ERBB4: variants seen among roughly 807,000 people sequenced by gnomAD.
The protein encoded by ERBB4 is erb-b2 receptor tyrosine kinase 4, also known as receptor tyrosine-protein kinase erbB-4.
Under a neutral mutation model 158.0 loss-of-function variants are expected in ERBB4, and 42 were observed. The observed-to-expected ratio is 0.27, with a 90% CI of 0.21 to 0.34. ERBB4 has a LOEUF of 0.34. Among genes scored for constraint, ERBB4 ranks in the 10% least tolerant of loss-of-function variants. The pLI is 1.00. For missense variants in ERBB4, 1,333 were observed against 1,624.1 expected, an observed-to-expected ratio of 0.82 and a Z score of 3.08; for synonymous variants, 583 against 558.7, an observed-to-expected ratio of 1.04 and a Z score of -0.61.
chr2:212,384,574 C>T (rs548550439), intron 1 of ERBB4, among the ~76,000 whole-genome samples: 3 of 151,704 alleles, frequency 2.0e-5, no homozygotes, highest in African/African-American at 4.8e-5. Flanking sequence ...ATTTGATTTC[C>T]TCTTATCAGC....
At position 211,841,976 on chromosome 2, in the gene ERBB4, C is replaced by G. The variant is rs139013130; in HGVS notation, c.422-53817G>C. On this transcript the variant is annotated intron_variant, in intron 3 of 27. Coordinates refer to ENST00000342788, the MANE Select transcript of ERBB4 (RefSeq NM_005235.3). ...AATTCATGTTTCAATAATTTTTTTT[C>G]AAATATGTCCCAGAATTACCACCCT... is the stretch of plus-strand genomic sequence containing the variant. Among the ~76,000 whole-genome samples, 945 of 151,884 alleles carry G rather than the reference C, an allele frequency of 6.2e-3. 11 individuals carry two copies. The highest frequency in any genetic ancestry group is 0.021 in the African/African-American group (889 of 41,464).
At chr2:211,394,958 A>G (rs2062878609) in intron 25 of ERBB4, among the ~76,000 whole-genome samples, 1 of 152,132 alleles carries the variant, frequency 6.6e-6, no homozygotes, top group Non-Finnish European at 1.5e-5. Flanking sequence ...TTAATCCTAA[A>G]AAGAAGAATA....
intron 19 of ERBB4, among the ~76,000 whole-genome samples, chr2:211,602,340 A>G (rs1463484207): frequency 6.6e-6 from 1 of 151,948 alleles, no homozygotes; most frequent in Non-Finnish European, 1.5e-5. Context: ...CCCTCACACC[A>G]TCTGCACTCA....
At chr2:212,398,549 G>A (rs1406290349) in intron 1 of ERBB4, among the ~76,000 whole-genome samples, 2 of 152,102 alleles carry the variant, frequency 1.3e-5, no homozygotes, top group African/African-American at 4.8e-5. Context: ...GTTAAGAATG[G>A]CAAGACTGCA....
chr2:212,356,764 T>C (rs1186734779), intron 1 of ERBB4, among the ~76,000 whole-genome samples: 1 of 151,880 alleles, frequency 6.6e-6, no homozygotes, highest in Non-Finnish European at 1.5e-5. Context: ...CCAACTTTTA[T>C]CCTAATAGTA....
intron 5 of ERBB4, among the ~76,000 whole-genome samples, chr2:211,740,319 A>C (rs1456866049): frequency 6.6e-6 from 1 of 152,142 alleles, no homozygotes; most frequent in Non-Finnish European, 1.5e-5. Flanking sequence ...ACTCATCATA[A>C]ATTAATAGAG....
intron 3 of ERBB4, among the ~76,000 whole-genome samples, chr2:211,806,530 T>C (rs1056209172): frequency 2.6e-5 from 4 of 151,848 alleles, no homozygotes; most frequent in Non-Finnish European, 4.4e-5. Flanking sequence ...TAGTGAAAAA[T>C]AGGTGATGCA....
intron 1 of ERBB4, among the ~76,000 whole-genome samples, chr2:212,149,755 T>G (rs151209224): frequency 6.6e-5 from 10 of 152,324 alleles, no homozygotes; most frequent in African/African-American, 2.2e-4. Flanking sequence ...CACTAAGCAT[T>G]GCTTTCTGAA....
intron 20 of ERBB4, among the ~76,000 whole-genome samples, chr2:211,506,603 T>C (rs2065757283): frequency 1.3e-5 from 2 of 152,144 alleles, no homozygotes; most frequent in Middle Eastern, 6.8e-3. Flanking sequence ...ATACCAAGAA[T>C]AACTCAATAT....
chr2:212,534,158 C>T (rs1047728392), intron 1 of ERBB4, among the ~76,000 whole-genome samples: 13 of 152,324 alleles, frequency 8.5e-5, no homozygotes, highest in African/African-American at 3.1e-4. Flanking sequence ...TTCCTAATAA[C>T]CAGCTTGATA....
At chr2:211,486,916 G>A (rs533018482) in intron 20 of ERBB4, among the ~76,000 whole-genome samples, 21 of 152,112 alleles carry the variant, frequency 1.4e-4, no homozygotes, top group African/African-American at 5.1e-4. Context: ...GAGTGTCTTT[G>A]TATAGAATAT....
chr2:211,392,585 CACACACACACACACA>C (rs2062822921), intron 25 of ERBB4, among the ~76,000 whole-genome samples: 2 of 151,140 alleles, frequency 1.3e-5, no homozygotes, highest in African/African-American at 4.9e-5. Flanking sequence ...CACACACACA[CACACACACACACACA>C]CCCCAATAAT....
At chr2:212,285,685 G>C (rs995790822) in intron 1 of ERBB4, among the ~76,000 whole-genome samples, 1 of 151,982 alleles carries the variant, frequency 6.6e-6, no homozygotes, top group South Asian at 2.1e-4. Context: ...TTAAAAATGA[G>C]GACTTACAAT....
intron 1 of ERBB4, among the ~76,000 whole-genome samples, chr2:212,272,936 A>G (rs945041238): frequency 6.6e-6 from 1 of 151,634 alleles, no homozygotes; most frequent in African/African-American, 2.4e-5. Context: ...ATTATTATAT[A>G]AATATCCCTA....
chr2:212,522,606 G>A (rs1692234822), intron 1 of ERBB4, among the ~76,000 whole-genome samples: 1 of 151,864 alleles, frequency 6.6e-6, no homozygotes, highest in South Asian at 2.1e-4. Flanking sequence ...AGAAAAAGAT[G>A]AAGAGGACCA....
At chr2:212,128,382 G>A (rs969913547) in intron 1 of ERBB4, among the ~76,000 whole-genome samples, 3 of 152,090 alleles carry the variant, frequency 2.0e-5, no homozygotes, top group Non-Finnish European at 4.4e-5. Flanking sequence ...TTTCAAACAC[G>A]GTTGAAGCCT....
chr2:211,942,820 C>A (rs1475010342), intron 3 of ERBB4, among the ~76,000 whole-genome samples: 2 of 152,090 alleles, frequency 1.3e-5, no homozygotes, highest in Non-Finnish European at 1.5e-5. Context: ...ATATCGCCTT[C>A]TCTAAAGATA....
At chr2:211,517,175 T>C (rs547020816) in intron 20 of ERBB4, among the ~76,000 whole-genome samples, 10 of 152,094 alleles carry the variant, frequency 6.6e-5, no homozygotes, top group Admixed American at 2.6e-4. Context: ...TAAAAAACTT[T>C]GGTTCTAGCA....
At chr2:212,493,906 G>GA (rs1448193221) in intron 1 of ERBB4, among the ~76,000 whole-genome samples, 1 of 151,630 alleles carries the variant, frequency 6.6e-6, no homozygotes, top group Non-Finnish European at 1.5e-5. Context: ...TAAAAACAAA[G>GA]AAATGAGTAT....
Sources: allele counts gnomAD v4.1 joint callset (sites outside exome capture counted in the v4.1 genomes callset), GRCh38; gene constraint gnomAD v4.1.1; transcripts MANE v1.5; gene names NCBI Gene and HGNC (gene_info 2026-07-23, HGNC 2026-07-21).